DGKH: variants seen among roughly 807,000 people sequenced by gnomAD.
The protein encoded by DGKH is DAG kinase eta.
DGKH carries 90 observed loss-of-function variants against 159.3 expected under a neutral mutation model. That is an observed-to-expected ratio of 0.57 (90% confidence interval 0.48 to 0.67). The LOEUF is 0.67. Ranked by LOEUF, DGKH falls within the 30% of genes least tolerant of loss-of-function variation. The pLI is 0.00. For missense variants in DGKH, 1,181 were observed against 1,506.1 expected, an observed-to-expected ratio of 0.78 and a Z score of 3.57; for synonymous variants, 536 against 553.8, an observed-to-expected ratio of 0.97 and a Z score of 0.45.
intron 1 of DGKH, among the ~76,000 whole-genome samples, chr13:42,084,527 G>T (rs1594004202): frequency 2.0e-5 from 3 of 151,914 alleles, no homozygotes; most frequent in East Asian, 3.8e-4. Context: ...AAAATTTTAG[G>T]TAACTAGATC....
intron 1 of DGKH, among the ~76,000 whole-genome samples, chr13:42,055,074 A>G (rs1881653264): frequency 6.6e-6 from 1 of 151,764 alleles, no homozygotes; most frequent in Admixed American, 6.6e-5. Context: ...ACATGTGAAA[A>G]CCTTCTTAGC....
intron 12 of DGKH, among the ~76,000 whole-genome samples, chr13:42,175,716 A>G (rs1956585079): frequency 6.6e-6 from 1 of 152,256 alleles, no homozygotes; most frequent in African/African-American, 2.4e-5. Flanking sequence ...CTTTTGTAAC[A>G]AAGGGATAGC....
Position 42,145,827 on chromosome 13 carries a change from G to T in DGKH, c.385-9464G>T, listed in dbSNP as rs1955714305. ...AAATGTCTGACAGTAGTTAGCTACT[G>T]GGGGAGTAACTAGCAGCCACATAGG... On this transcript the variant is annotated intron_variant, in intron 3 of 29. Coordinates refer to ENST00000337343, the MANE Select transcript of DGKH (RefSeq NM_178009.5). Among the ~76,000 whole-genome samples the T allele has an allele frequency of 3.3e-5, 5 of 152,166 alleles. No individual in the cohort carries two copies. The South Asian group carries it at 1.0e-3, about 32-fold the overall frequency.
chr13:42,169,261 C>A (rs141410868), intron 11 of DGKH, among the ~76,000 whole-genome samples: 72 of 152,214 alleles, frequency 4.7e-4, no homozygotes, highest in African/African-American at 1.6e-3. Context: ...CTTAAATATA[C>A]ATATTAAGAA....
At chr13:42,252,564 A>G (rs959880329) in intron 30 of DGKH, 2 of 152,550 alleles carry the variant, frequency 1.3e-5, no homozygotes, top group Non-Finnish European at 2.9e-5. Flanking sequence ...TCTCAGTGAG[A>G]TATCCTAGAC....
At position 42,127,623 on chromosome 13, in the gene DGKH, T is replaced by G. The variant is rs1046602603; in HGVS notation, c.303+50T>G. The G allele has an allele frequency of 1.7e-5, 26 of 1,539,680 alleles. No individual in the cohort carries two copies. The African/African-American group carries it at 3.6e-4, about 21-fold the overall frequency. ...AAGCAATTGAGGCTATGGATGGATG[T>G]AAAATTTTGGTTCTGTAAGCTGTTT... On this transcript the variant is annotated intron_variant, in intron 2 of 29. Coordinates refer to ENST00000337343, the MANE Select transcript of DGKH (RefSeq NM_178009.5).
intron 4 of DGKH, 95 bp from the exon 5 acceptor site, chr13:42,155,571 TG>T: frequency 6.4e-7 from 1 of 1,570,600 alleles, no homozygotes; most frequent in East Asian, 2.2e-5. Flanking sequence ...ATGATGGATT[TG>T]AAAATTTGAC....
intron 1 of DGKH, among the ~76,000 whole-genome samples, chr13:42,040,842 G>T (rs1880451433): frequency 3.4e-5 from 5 of 146,664 alleles, no homozygotes; most frequent in Admixed American, 2.7e-4. Context: ...CGGGGACCCG[G>T]GTCTGCGCGC....
At chr13:42,098,525 T>C (rs1954591662) in intron 1 of DGKH, among the ~76,000 whole-genome samples, 1 of 152,106 alleles carries the variant, frequency 6.6e-6, no homozygotes, top group South Asian at 2.1e-4. Context: ...AGTTTGTTAA[T>C]GTGTAGTGGC....
chr13:42,223,516 C>G (rs2138259878), intron 29 of DGKH, among the ~76,000 whole-genome samples: 1 of 152,166 alleles, frequency 6.6e-6, no homozygotes, highest in East Asian at 1.9e-4. Context: ...AATCCCAGCA[C>G]TTTGGGAGTC....
chr13:42,195,791 A>G (rs1404686035), intron 17 of DGKH: 2 of 152,238 alleles, frequency 1.3e-5, no homozygotes, highest in Non-Finnish European at 2.9e-5. Flanking sequence ...TGACAAGCAC[A>G]CGCCACAAAA....
At chr13:42,250,937 C>T (rs73460155) in intron 29 of DGKH, among the ~76,000 whole-genome samples, 79 of 152,174 alleles carry the variant, frequency 5.2e-4, no homozygotes, top group African/African-American at 1.8e-3. Flanking sequence ...AGCATATCGG[C>T]TGATTTGAAA....
rs1473254883 is a variant in DGKH, at chr13:42,160,129, AGACAATGGT to A, written c.851_855+4del. 1 of 1,614,122 alleles carries A rather than the reference AGACAATGGT, an allele frequency of 6.2e-7. No homozygotes were observed. The highest frequency in any genetic ancestry group is 1.3e-5 in the African/African-American group (1 of 74,938). On this transcript the variant is annotated splice_donor_variant and coding_sequence_variant, in exon 7 of 30. Transcript: ENST00000337343. LOFTEE classifies it high-confidence loss of function. ...CAGGATTGGAAATGCCTTTGGTGTA[AGACAATGGT>A]GAGGGTTTTGGAATCAGTTCATCCT...
At chr13:42,069,626 T>C in intron 1 of DGKH, 1 of 1,424,772 alleles carries the variant, frequency 7.0e-7, no homozygotes, top group Non-Finnish European at 9.7e-7. Flanking sequence ...GATTTTCTTT[T>C]CTTATCAGAT....
intron 22 of DGKH, 123 bp downstream of exon 22, chr13:42,209,195 T>C: frequency 7.2e-7 from 1 of 1,384,396 alleles, no homozygotes; most frequent in Non-Finnish European, 9.9e-7. Flanking sequence ...GTCATATCAG[T>C]TTTTACCATG....
At chr13:42,043,012 G>A (rs1306620676) in intron 1 of DGKH, among the ~76,000 whole-genome samples, 1 of 152,142 alleles carries the variant, frequency 6.6e-6, no homozygotes, top group Admixed American at 6.5e-5. Flanking sequence ...GGGGAAAAGG[G>A]GGTGGAGAGA....
intron 29 of DGKH, among the ~76,000 whole-genome samples, chr13:42,251,493 C>T (rs1021895901): frequency 6.6e-6 from 1 of 152,148 alleles, no homozygotes; most frequent in Admixed American, 6.5e-5. Flanking sequence ...CTGATAACTT[C>T]ATCCCTTTGG....
At chr13:42,083,744 A>G (rs1954254068) in intron 1 of DGKH, among the ~76,000 whole-genome samples, 1 of 152,216 alleles carries the variant, frequency 6.6e-6, no homozygotes, top group Non-Finnish European at 1.5e-5. Context: ...ACTAGGACAG[A>G]CAACTTAACC....
intron 7 of DGKH, among the ~76,000 whole-genome samples, chr13:42,161,493 A>G (rs899726736): frequency 4.0e-5 from 6 of 149,218 alleles, no homozygotes; most frequent in Non-Finnish European, 6.0e-5. Flanking sequence ...CTAAAAATAC[A>G]AAAATTAGCT....
Sources: allele counts gnomAD v4.1 joint callset (sites outside exome capture counted in the v4.1 genomes callset), GRCh38; gene constraint gnomAD v4.1.1; transcripts MANE v1.5; gene names NCBI Gene and HGNC (gene_info 2026-07-23, HGNC 2026-07-21).